The following OXNAD1 variants were observed in gnomAD, a reference collection of about 807,000 sequenced individuals.
OXNAD1 encodes oxidoreductase NAD binding domain containing 1, also known as oxidoreductase NAD-binding domain-containing protein 1.
Under a neutral mutation model 32.9 loss-of-function variants are expected in OXNAD1, and 34 were observed. The ratio of observed to expected loss-of-function variants is 1.03; its 90% CI spans 0.79 to 1.38. The LOEUF is 1.38. Ranked by LOEUF, OXNAD1 falls within the 40% of genes most tolerant of loss-of-function variation. The probability of loss-of-function intolerance (pLI) is 0.00; values close to 1 mark genes in which losing one functional copy is unlikely to be tolerated. For synonymous variants in OXNAD1, 134 were observed against 135.2 expected (o/e 0.99, Z 0.06); for missense variants, 407 against 379.4 (o/e 1.07, Z -0.60).
In OXNAD1 at chr3:16,304,367, G is replaced by C. The variant is rs2067398080; in HGVS notation, c.*805G>C. 6.6e-6 allele frequency: 1 copy of C among 152,196 alleles called. No individual in the cohort carries two copies. The highest frequency in any genetic ancestry group is 6.5e-5 in the Admixed American group (1 of 15,272). The allele number at this position is 152,196 out of a possible 1,614,324, so 9.4% of individuals were successfully genotyped here. ...AGCATTGATTAGGGGGTAGAGAGCT[G>C]TTTCTAAATCCTGCTTTTCTACTTT... is the stretch of plus-strand genomic sequence containing the variant. On this transcript the variant is annotated 3_prime_UTR_variant, in exon 9 of 9. Transcript: ENST00000285083. This position sits in a 1 kb window ranked among gnomAD's most constrained non-coding sequence, Gnocchi z 4.6.
At position 16,316,844 on chromosome 3, in the gene OXNAD1, G is replaced by A. The variant is rs567063624; in HGVS notation, c.*30+13252G>A. 1.5e-5 allele frequency: 24 copies of A among 1,613,866 alleles called. No homozygotes were observed. The Admixed American group carries it at 1.7e-4, about 11-fold the overall frequency. On this transcript the variant is annotated intron_variant, in intron 9 of 9. Coordinates refer to the OXNAD1 transcript ENST00000435829. The surrounding 1 kb of genome is among the most constrained non-coding windows in gnomAD (Gnocchi z 4.5). Reference sequence around the variant, plus strand: ...GCCCAAGACTCAGTTTTCTTCAACCGTACCAAGCTCTCTGACTTCCTCAGC... The same window carrying A: ...GCCCAAGACTCAGTTTTCTTCAACCATACCAAGCTCTCTGACTTCCTCAGC...
At chr3:16,338,140 C>T (rs1012064437), downstream of OXNAD1, among the ~76,000 whole-genome samples, 5 of 152,200 alleles carry the variant, frequency 3.3e-5, no homozygotes, top group African/African-American at 4.8e-5. This position sits in a 1 kb window ranked among gnomAD's most constrained non-coding sequence, Gnocchi z 5.3. Context: ...CTGGTACATG[C>T]GGTTTCTCTA....
chr3:16,326,765 ATT>A (rs756839113), intron 9 of OXNAD1: 2 of 1,606,010 alleles, frequency 1.2e-6, no homozygotes, highest in Non-Finnish European at 1.7e-6. Context: ...GATTACTGTT[ATT>A]GTTACCTGGT....
downstream of OXNAD1, among the ~76,000 whole-genome samples, chr3:16,306,724 T>A (rs978730347): frequency 6.6e-5 from 10 of 152,216 alleles, no homozygotes; most frequent in Non-Finnish European, 1.5e-5. Flanking sequence ...CCTCTGTATT[T>A]CATGTAAACT....
Position 16,301,771 on chromosome 3 carries a change from A to G in OXNAD1, c.578A>G (p.Asp193Gly). 2 of 1,614,098 alleles carry G rather than the reference A, an allele frequency of 1.2e-6. No homozygotes were observed. The highest frequency in any genetic ancestry group is 3.3e-5 in the Admixed American group (2 of 59,998). The change falls in exon 7 of 9, where the codon GAT (aspartate) becomes GGT (glycine). Residue 193 changes from aspartate (D) to glycine (G), a missense_variant. By Grantham distance (94) the Asp-to-Gly change is moderately conservative. Transcript: ENST00000285083. This position sits in a 1 kb window ranked among gnomAD's most constrained non-coding sequence, Gnocchi z 4.1. ...CTTTCCATCCTGCGGCACGCAGCAG[A>G]TCTCCTCAGAGAGCAGGCAAACAAA... is the stretch of plus-strand genomic sequence containing the variant. ...PLLSILRHAA[D>G]LLREQANKRN...
At position 16,301,826 on chromosome 3, in the gene OXNAD1, AC is replaced by A; in HGVS notation, c.634del (p.Leu212TyrfsTer20). The A allele has an allele frequency of 6.2e-7, 1 of 1,614,068 alleles. No individual in the cohort carries two copies. Among genetic ancestry groups the A allele is most frequent in the Non-Finnish European group, 8.5e-7 (1 of 1,179,960 alleles). ...RNGYEIGTIK[L>X]FYSAKNTSEL... Reference sequence around the variant, plus strand: ...ATGGATATGAGATAGGAACAATAAAACTATTCTACAGTGCAAAAAATACCAG... The same window carrying A: ...ATGGATATGAGATAGGAACAATAAAATATTCTACAGTGCAAAAAATACCAG... On this transcript the variant is annotated frameshift_variant, in exon 7 of 9. Transcript: ENST00000285083. LOFTEE classifies it high-confidence loss of function. This position sits in a 1 kb window ranked among gnomAD's most constrained non-coding sequence, Gnocchi z 4.1.
chr3:16,327,498 G>T lies in OXNAD1; in HGVS notation c.*31-9614G>T, dbSNP rs1157813014. On this transcript the variant is annotated intron_variant, in intron 9 of 9. Coordinates refer to the OXNAD1 transcript ENST00000435829. The surrounding 1 kb of genome is among the most constrained non-coding windows in gnomAD (Gnocchi z 4.2). ...GCCCCGGCCGGGTGCTGTGGCTCAC[G>T]TCTGTAATCCCAGCACTTTGGGAGG... Among the ~76,000 whole-genome samples the T allele has an allele frequency of 2.0e-5, 3 of 151,972 alleles. No individual in the cohort carries two copies.
Position 16,304,054 on chromosome 3 carries a change from T to C in OXNAD1, c.*492T>C, listed in dbSNP as rs1158435945. Reference sequence around the variant, plus strand: ...TGCCTTTGTTTACTGTACCATGGCCTACAGTCTTATTTGGTCCATCAAAGT... The same window carrying C: ...TGCCTTTGTTTACTGTACCATGGCCCACAGTCTTATTTGGTCCATCAAAGT... On this transcript the variant is annotated 3_prime_UTR_variant, in exon 9 of 9. Coordinates refer to ENST00000285083, the MANE Select transcript of OXNAD1 (RefSeq NM_138381.5). The surrounding 1 kb of genome is among the most constrained non-coding windows in gnomAD (Gnocchi z 4.6). 2.6e-5 allele frequency: 4 copies of C among 152,474 alleles called. No individual in the cohort carries two copies. Among genetic ancestry groups the C allele is most frequent in the African/African-American group, 9.6e-5 (4 of 41,474 alleles). The allele number at this position is 152,474 out of a possible 1,614,324, so 9.4% of individuals were successfully genotyped here. A position where few individuals can be genotyped will look rare whatever the true frequency, so the allele number is the denominator to read the frequency against.
downstream of OXNAD1, among the ~76,000 whole-genome samples, chr3:16,337,865 C>T (rs1188057551): frequency 6.6e-6 from 1 of 152,184 alleles, no homozygotes; most frequent in African/African-American, 2.4e-5. The surrounding 1 kb of genome is among the most constrained non-coding windows in gnomAD (Gnocchi z 5.0). Context: ...ACACCTAGCC[C>T]TTATTTGCTC....
chr3:16,276,810 T>C (rs2065362274), intron 4 of OXNAD1, among the ~76,000 whole-genome samples: 2 of 152,096 alleles, frequency 1.3e-5, no homozygotes, highest in Non-Finnish European at 2.9e-5. Flanking sequence ...TGCAAACTCT[T>C]GAGAATTTTA....
Position 16,336,357 on chromosome 3 carries a change from G to C in OXNAD1, c.*31-755G>C, listed in dbSNP as rs1167413198. On this transcript the variant is annotated intron_variant, in intron 9 of 9. Coordinates refer to the OXNAD1 transcript ENST00000435829. This position sits in a 1 kb window ranked among gnomAD's most constrained non-coding sequence, Gnocchi z 6.0. The stretch of plus-strand genomic sequence containing the variant: ...AGAACAAGCACATGGTTCCCATCCA[G>C]TGGAGCCCATGGAGGTGAGGTGGAG... 6.6e-6 allele frequency among the ~76,000 whole-genome samples: 1 copy of C among 152,164 alleles called. No homozygotes were observed. Among genetic ancestry groups the C allele is most frequent in the Non-Finnish European group, 1.5e-5 (1 of 68,014 alleles).
intron 9 of OXNAD1, among the ~76,000 whole-genome samples, chr3:16,330,813 A>C (rs2125243828): frequency 6.6e-6 from 1 of 152,354 alleles, no homozygotes; most frequent in African/African-American, 2.4e-5. Flanking sequence ...AGGACAACAG[A>C]ATGTAGAGTT....
At position 16,299,974 on chromosome 3, in the gene OXNAD1, G is replaced by C. The variant is rs1194144548; in HGVS notation, c.433-1652G>C. 6.6e-6 allele frequency among the ~76,000 whole-genome samples: 1 copy of C among 152,204 alleles called. No individual in the cohort carries two copies. The highest frequency in any genetic ancestry group is 1.5e-5 in the Non-Finnish European group (1 of 68,038). On this transcript the variant is annotated intron_variant, in intron 6 of 8. Coordinates refer to ENST00000285083, the MANE Select transcript of OXNAD1 (RefSeq NM_138381.5). The surrounding 1 kb of genome is among the most constrained non-coding windows in gnomAD (Gnocchi z 4.4). The stretch of plus-strand genomic sequence containing the variant: ...GTCAGTTCATGTTCACACCAACCCT[G>C]TGAGGTGGGCAGTGCAGGTGCTGGT...
intron 9 of OXNAD1, among the ~76,000 whole-genome samples, chr3:16,325,271 A>G (rs1175916773): frequency 6.6e-6 from 1 of 152,040 alleles, no homozygotes; most frequent in Non-Finnish European, 1.5e-5. Flanking sequence ...CAGGCTGGAG[A>G]TCACACAGTG....
intron 9 of OXNAD1, among the ~76,000 whole-genome samples, chr3:16,325,590 C>T (rs2069612023): frequency 6.6e-6 from 1 of 152,140 alleles, no homozygotes; most frequent in African/African-American, 2.4e-5. Context: ...AGTCTTCAGG[C>T]CCCAAATCCA....
At chr3:16,341,955 T>C (rs2071344986), downstream of OXNAD1, among the ~76,000 whole-genome samples, 1 of 152,226 alleles carries the variant, frequency 6.6e-6, no homozygotes, top group South Asian at 2.1e-4. The surrounding 1 kb of genome is among the most constrained non-coding windows in gnomAD (Gnocchi z 4.7). Flanking sequence ...ATGCTGAAAG[T>C]TGGGGTTTAC....
chr3:16,344,483 G>A lies in OXNAD1; in HGVS notation c.*31-4693G>A, dbSNP rs1043724201. 1.3e-5 allele frequency among the ~76,000 whole-genome samples: 2 copies of A among 152,136 alleles called. No homozygotes were observed. The highest frequency in any genetic ancestry group is 2.9e-5 in the Non-Finnish European group (2 of 68,014). On this transcript the variant is annotated intron_variant, in intron 9 of 9. Transcript: ENST00000606098. The surrounding 1 kb of genome is among the most constrained non-coding windows in gnomAD (Gnocchi z 4.4). ...CAGAGTCTTCCCCACTCTCAGACCT[G>A]CCCTGGCCTTCTTCCCCCTCGCCCA...
In OXNAD1 at chr3:16,265,475, C is replaced by A. The variant is rs1355673582; in HGVS notation, c.-189C>A. The A allele has an allele frequency of 3.3e-5, 5 of 152,870 alleles. No homozygotes were observed. The East Asian group carries it at 9.6e-4, about 29-fold the overall frequency. 9.5% of individuals were successfully genotyped at this position (152,870 alleles called of 1,614,324 possible). ...TCACCGAGTGACCTTGAGCCCAGGG[C>A]GACGGTCAGCTTGTTAATTCCTGGC... On this transcript the variant is annotated 5_prime_UTR_variant, in exon 1 of 9. Transcript: ENST00000285083. This position sits in a 1 kb window ranked among gnomAD's most constrained non-coding sequence, Gnocchi z 4.8.
chr3:16,318,619 C>G (rs842423), intron 9 of OXNAD1, among the ~76,000 whole-genome samples: 47,315 of 151,794 alleles, frequency 0.31, 8,139 homozygotes, highest in Non-Finnish European at 0.38. Flanking sequence ...TTATAGGATT[C>G]TTGGATTTAG....
Sources: gnomAD v4.1 joint callset for allele counts (sites outside exome capture counted in the v4.1 genomes callset) on GRCh38, gnomAD v4.1.1 for gene constraint, Gnocchi (gnomAD v3.1) non-coding constraint, MANE v1.5 for transcripts, NCBI Gene and HGNC (gene_info 2026-07-23, HGNC 2026-07-21) for gene names.